The following IPPK variants were observed in gnomAD, a reference collection of about 807,000 sequenced individuals.
IPPK encodes the protein IPK1 homolog.
A neutral mutation model predicts 64.6 loss-of-function variants in IPPK; 22 were observed. The observed-to-expected ratio is 0.34, with a 90% CI of 0.24 to 0.49. The LOEUF (loss-of-function observed/expected upper bound fraction) is 0.49, where lower values mean the gene tolerates loss of function less well. IPPK is among the 20% of genes least tolerant of loss of function. IPPK has a pLI of 0.99. For synonymous variants in IPPK, 262 were observed against 247.2 expected (o/e 1.06, Z -0.56); for missense variants, 532 against 630.7 (o/e 0.84, Z 1.68).
rs1347814808 is a variant in IPPK at position 92,670,107 on chromosome 9, C to T, written c.-119G>A. ...GGAGGAGCGCCTGTCAGCTGCCGCC[C>T]CCGCTCGACCCCGCCGCGGCGACTA... On this transcript the variant is annotated 5_prime_UTR_variant, in exon 1 of 13. Transcript: ENST00000287996. The T allele has an allele frequency of 2.0e-5, 12 of 599,974 alleles. No individual in the cohort carries two copies. The highest frequency in any genetic ancestry group is 2.7e-6 in the Non-Finnish European group (1 of 368,602). The allele number at this position is 599,974 out of a possible 1,614,324, so 37.2% of individuals were successfully genotyped here.
intron 6 of IPPK, 63 bp from the exon 7 acceptor site, chr9:92,642,873 G>T: frequency 8.4e-7 from 1 of 1,194,700 alleles, no homozygotes; most frequent in Non-Finnish European, 1.3e-6. Flanking sequence ...TGTGCCAACT[G>T]AACACACAGA....
At chr9:92,628,604 G>A (rs939027546) in intron 11 of IPPK, among the ~76,000 whole-genome samples, 3 of 152,174 alleles carry the variant, frequency 2.0e-5, no homozygotes, top group African/African-American at 4.8e-5. Flanking sequence ...GACCGGGCAC[G>A]GTGGCTCACA....
intron 11 of IPPK, among the ~76,000 whole-genome samples, chr9:92,628,520 T>C (rs539440261): frequency 6.6e-6 from 1 of 152,198 alleles, no homozygotes; most frequent in Non-Finnish European, 1.5e-5. Flanking sequence ...CATACATCTA[T>C]GGTCAACTGA....
At chr9:92,638,512 A>G (rs1324984294) in intron 8 of IPPK, among the ~76,000 whole-genome samples, 1 of 152,248 alleles carries the variant, frequency 6.6e-6, no homozygotes, top group East Asian at 1.9e-4. Context: ...GAAAGTTTCA[A>G]AAACTAAAGA....
At chr9:92,650,439 C>T (rs1852243077) in intron 4 of IPPK, among the ~76,000 whole-genome samples, 2 of 152,164 alleles carry the variant, frequency 1.3e-5, no homozygotes, top group South Asian at 2.1e-4. Context: ...CAGTCAGCCA[C>T]ACCGATGGTC....
At chr9:92,644,574 G>A (rs1255695796) in intron 6 of IPPK, among the ~76,000 whole-genome samples, 2 of 152,188 alleles carry the variant, frequency 1.3e-5, no homozygotes, top group Non-Finnish European at 2.9e-5. Flanking sequence ...ACCCGTGCAG[G>A]AGGCCTTTTC....
intron 12 of IPPK, 109 bp downstream of exon 12, chr9:92,619,377 G>A (rs559839673): frequency 2.2e-5 from 19 of 856,210 alleles, no homozygotes; most frequent in Non-Finnish European, 3.0e-5. Flanking sequence ...ATGTCACTCC[G>A]CCATGGAGTC....
intron 10 of IPPK, among the ~76,000 whole-genome samples, chr9:92,634,787 G>T (rs1015491057): frequency 1.3e-5 from 2 of 152,160 alleles, no homozygotes; most frequent in African/African-American, 2.4e-5. Context: ...ACTGGACACC[G>T]CGGGTGTGGA....
intron 3 of IPPK, among the ~76,000 whole-genome samples, chr9:92,656,226 G>A (rs1852369717): frequency 6.6e-6 from 1 of 152,156 alleles, no homozygotes; most frequent in African/African-American, 2.4e-5. Flanking sequence ...GCAGAGACGG[G>A]CCCTGGAGAA....
In IPPK at chr9:92,614,740, T is replaced by C. The variant is rs1851379099; in HGVS notation, c.*1092A>G. On this transcript the variant is annotated 3_prime_UTR_variant, in exon 13 of 13. Transcript: ENST00000287996. ...CAAAACGATGATATAAATAAGTCTG[T>C]ACAACCTAGCATAGAATAAAAAACT... 6.6e-6 allele frequency: 1 copy of C among 152,638 alleles called. No homozygotes were observed. The allele number at this position is 152,638 out of a possible 1,614,324, so 9.5% of individuals were successfully genotyped here.
intron 9 of IPPK, among the ~76,000 whole-genome samples, chr9:92,637,332 A>AG (rs1196313300): frequency 1.3e-5 from 2 of 152,328 alleles, no homozygotes; most frequent in East Asian, 3.9e-4. Context: ...AAATTGGCAC[A>AG]GATAATAAGG....
Position 92,619,545 on chromosome 9 carries a change from G to A in IPPK, c.1191C>T (p.Ala397=), listed in dbSNP as rs1309918267. The A allele has an allele frequency of 1.3e-6, 2 of 1,588,832 alleles. No homozygotes were observed. The highest frequency in any genetic ancestry group is 1.7e-6 in the Non-Finnish European group (2 of 1,167,938). The change falls in exon 12 of 13, where the codon GCC becomes GCT. Residue 397 remains alanine, a synonymous_variant. Coordinates refer to ENST00000287996, the MANE Select transcript of IPPK (RefSeq NM_022755.6). The part of the protein sequence containing the change: ...ALTKVQQYRV[A]MTAKDCSIMI... ...TGATGGAGCAGTCCTTGGCAGTCATGGCGACGCGGTACTGCTGCACCTGCA... is the reference window on the plus strand; with the variant it reads ...TGATGGAGCAGTCCTTGGCAGTCATAGCGACGCGGTACTGCTGCACCTGCA...
rs576905762 is a variant in IPPK, at chr9:92,656,331, G to A, written c.225+125C>T. ...TGCTGCCACCCAGCACAGCAAATGA[G>A]AAACACTTGGAGACTAGCTGGACGC... On this transcript the variant is annotated intron_variant, in intron 3 of 12. Transcript: ENST00000287996. 12 of 675,736 alleles carry A rather than the reference G, an allele frequency of 1.8e-5. No individual in the cohort carries two copies. The South Asian group carries it at 1.8e-4, about 10-fold the overall frequency. The allele number at this position is 675,736 out of a possible 1,614,324, so 41.9% of individuals were successfully genotyped here. A position where few individuals can be genotyped will look rare whatever the true frequency, so the allele number is the denominator to read the frequency against.
At chr9:92,622,245 A>G (rs992188826) in intron 11 of IPPK, among the ~76,000 whole-genome samples, 46 of 152,350 alleles carry the variant, frequency 3.0e-4, no homozygotes, top group Admixed American at 6.5e-4. Flanking sequence ...TTGATGGTAA[A>G]ATGCTTTTGA....
At chr9:92,640,841 C>A (rs755610441) in intron 7 of IPPK, 59 bp from the exon 8 acceptor site, 15 of 1,159,970 alleles carry the variant, frequency 1.3e-5, no homozygotes, top group Non-Finnish European at 2.0e-5. Context: ...TGTCCCTGCA[C>A]ACACACCTGC....
At chr9:92,630,455 G>A (rs1441041868) in intron 11 of IPPK, among the ~76,000 whole-genome samples, 3 of 152,168 alleles carry the variant, frequency 2.0e-5, no homozygotes, top group Non-Finnish European at 2.9e-5. Context: ...AATCAACTGT[G>A]CTGATGATTG....
chr9:92,647,963 T>C, intron 6 of IPPK, 96 bp downstream of exon 6: 2 of 726,660 alleles, frequency 2.8e-6, no homozygotes, highest in Non-Finnish European at 4.6e-6. Context: ...ATATCCATAT[T>C]TTCTTTTACT....
intron 1 of IPPK, among the ~76,000 whole-genome samples, chr9:92,668,217 G>C (rs1272540982): frequency 6.6e-6 from 1 of 151,162 alleles, no homozygotes; most frequent in Non-Finnish European, 1.5e-5. Flanking sequence ...GCAGTGAGCC[G>C]AGATCGCGCC....
At chr9:92,644,610 T>A (rs1419256577) in intron 6 of IPPK, among the ~76,000 whole-genome samples, 1 of 152,200 alleles carries the variant, frequency 6.6e-6, no homozygotes, top group East Asian at 1.9e-4. Flanking sequence ...CAAAAACATT[T>A]AGAGGCAATT....
Sources: allele counts gnomAD v4.1 joint callset (sites outside exome capture counted in the v4.1 genomes callset), GRCh38; gene constraint gnomAD v4.1.1; transcripts MANE v1.5; gene names NCBI Gene and HGNC (gene_info 2026-07-23, HGNC 2026-07-21).